The following MNAT1 variants were observed in gnomAD, a reference collection of about 807,000 sequenced individuals.
The protein encoded by MNAT1 is MNAT1 component of CDK activating kinase.
MNAT1 carries 43 observed loss-of-function variants against 42.0 expected under a neutral mutation model. That is an observed-to-expected ratio of 1.02 (90% CI 0.80 to 1.32). MNAT1 has a LOEUF of 1.32. Among genes scored for constraint, MNAT1 ranks in the 40% most tolerant of loss-of-function variants. MNAT1 has a pLI of 0.00. For missense variants in MNAT1, 306 were observed against 350.4 expected, an observed-to-expected ratio of 0.87 and a Z score of 1.01; for synonymous variants, 118 against 120.0, an observed-to-expected ratio of 0.98 and a Z score of 0.11.
intron 7 of MNAT1, among the ~76,000 whole-genome samples, chr14:60,949,786 T>C (rs1174596700): frequency 6.6e-6 from 1 of 152,142 alleles, no homozygotes. Context: ...GGGCATAGAT[T>C]ATTTTTTTTT....
chr14:60,940,862 C>A (rs1388872624), intron 7 of MNAT1, among the ~76,000 whole-genome samples: 1 of 151,894 alleles, frequency 6.6e-6, no homozygotes, highest in African/African-American at 2.4e-5. Flanking sequence ...TCAGAAGGGT[C>A]AAAATTAGAA....
intron 3 of MNAT1, among the ~76,000 whole-genome samples, chr14:60,804,722 T>G (rs2032314825): frequency 1.3e-5 from 2 of 152,120 alleles, no homozygotes; most frequent in Admixed American, 6.5e-5. Flanking sequence ...AATTTTATTT[T>G]TTTGGTAGAG....
At chr14:60,834,134 T>C (rs1356592905) in intron 6 of MNAT1, among the ~76,000 whole-genome samples, 2 of 152,208 alleles carry the variant, frequency 1.3e-5, no homozygotes, top group African/African-American at 4.8e-5. Flanking sequence ...CCTGTATTCA[T>C]TGATTTTTTT....
At chr14:60,768,948 T>A (rs2030944277) in intron 1 of MNAT1, among the ~76,000 whole-genome samples, 1 of 152,236 alleles carries the variant, frequency 6.6e-6, no homozygotes, top group East Asian at 1.9e-4. Flanking sequence ...GATTATAATG[T>A]TGAGTTTACA....
intron 1 of MNAT1, among the ~76,000 whole-genome samples, chr14:60,771,938 C>A (rs1303453753): frequency 2.0e-5 from 3 of 152,042 alleles, no homozygotes; most frequent in Non-Finnish European, 4.4e-5. Flanking sequence ...TATTTTAGTT[C>A]TCTGAATAAT....
intron 6 of MNAT1, among the ~76,000 whole-genome samples, chr14:60,871,005 T>TTCAC (rs2034313409): frequency 6.6e-6 from 1 of 152,230 alleles, no homozygotes; most frequent in Non-Finnish European, 1.5e-5. Flanking sequence ...ATATTGGTCC[T>TTCAC]TCACATCTGG....
At chr14:60,818,434 T>C (rs2032781468) in intron 5 of MNAT1, among the ~76,000 whole-genome samples, 1 of 151,998 alleles carries the variant, frequency 6.6e-6, no homozygotes, top group South Asian at 2.1e-4. Flanking sequence ...TTTTTGTGAT[T>C]AGCTTATTTT....
chr14:60,762,085 G>A (rs1236009817), intron 1 of MNAT1, among the ~76,000 whole-genome samples: 1 of 151,922 alleles, frequency 6.6e-6, no homozygotes, highest in Non-Finnish European at 1.5e-5. Flanking sequence ...TTTTCTTCAA[G>A]TTTCTTCCTT....
intron 6 of MNAT1, among the ~76,000 whole-genome samples, chr14:60,857,877 A>G (rs890241010): frequency 1.3e-5 from 2 of 152,138 alleles, no homozygotes; most frequent in African/African-American, 4.8e-5. Flanking sequence ...TTCCAGCTTC[A>G]TCTACATCCC....
At position 60,794,636 on chromosome 14, in the gene MNAT1, C is replaced by CA. The variant is rs71114156; in HGVS notation, c.90-1556dup. On this transcript the variant is annotated intron_variant, in intron 1 of 7. Coordinates refer to ENST00000261245, the MANE Select transcript of MNAT1 (RefSeq NM_002431.4). ...AGCTGTGACAACTTCACTGCATTCT[C>CA]AAAAAAAAAAAAAAAAAAAAAAAAA... is the stretch of plus-strand genomic sequence containing the variant. Among the ~76,000 whole-genome samples the CA allele has an allele frequency of 3.9e-4, 37 of 95,398 alleles. 1 individual carries two copies. Among genetic ancestry groups the CA allele is most frequent in the South Asian group, 1.5e-3 (4 of 2,586 alleles). 62.6% of individuals were successfully genotyped at this position (95,398 alleles called of 152,430 possible). A position where few individuals can be genotyped will look rare whatever the true frequency, so the allele number is the denominator to read the frequency against.
chr14:60,804,867 C>G (rs1288329010), intron 3 of MNAT1, among the ~76,000 whole-genome samples: 1 of 152,060 alleles, frequency 6.6e-6, no homozygotes, highest in African/African-American at 2.4e-5. Context: ...TTAAGTTTGC[C>G]TATTTCTGGG....
At position 60,849,211 on chromosome 14, in the gene MNAT1, G is replaced by A. The variant is rs79876995; in HGVS notation, c.687+30364G>A. 5.3e-5 allele frequency among the ~76,000 whole-genome samples: 8 copies of A among 152,282 alleles called. No individual in the cohort carries two copies. The East Asian group carries it at 1.3e-3, about 26-fold the overall frequency. ...ACTTACATGCTATTTTGGAGAAACA[G>A]CAAATCACTCATGTAATATAAACAC... On this transcript the variant is annotated intron_variant, in intron 6 of 7. Coordinates refer to ENST00000261245, the MANE Select transcript of MNAT1 (RefSeq NM_002431.4).
chr14:60,911,545 A>G (rs1163531064), intron 7 of MNAT1, among the ~76,000 whole-genome samples: 2 of 152,276 alleles, frequency 1.3e-5, no homozygotes, highest in East Asian at 1.9e-4. Context: ...GTTGGTTTCA[A>G]AGAACATCTT....
rs781633200 is a variant in MNAT1, at chr14:60,734,859, C to T, written c.-4C>T. 3.2e-5 allele frequency: 51 copies of T among 1,613,836 alleles called. 1 individual carries two copies. Among genetic ancestry groups the T allele is most frequent in the South Asian group, 2.6e-4 (24 of 91,064 alleles). On this transcript the variant is annotated 5_prime_UTR_variant, in exon 1 of 8. Coordinates refer to ENST00000261245, the MANE Select transcript of MNAT1 (RefSeq NM_002431.4). The surrounding 1 kb of genome is among the most constrained non-coding windows in gnomAD (Gnocchi z 4.3). ...CTGCGAGAGTCTGTAGGAGGGAAAC[C>T]GCCATGGACGATCAGGGTTGCCCTC...
intron 7 of MNAT1, among the ~76,000 whole-genome samples, chr14:60,912,494 G>C (rs1018677561): frequency 2.6e-5 from 4 of 152,194 alleles, no homozygotes; most frequent in African/African-American, 9.7e-5. Context: ...GCTTCCTTCA[G>C]GAGCTTTTGT....
intron 3 of MNAT1, among the ~76,000 whole-genome samples, chr14:60,807,146 A>G (rs901413515): frequency 9.9e-5 from 15 of 151,972 alleles, no homozygotes. Flanking sequence ...TGGATTTTCA[A>G]CAGTGATTAT....
At chr14:60,947,947 G>A (rs4412892) in intron 7 of MNAT1, among the ~76,000 whole-genome samples, 139,986 of 152,238 alleles carry the variant, frequency 0.92, 64,865 homozygotes, top group Non-Finnish European at 0.99. Context: ...GCTATGTCAT[G>A]TAATTGGACA....
rs148417193 is a variant in MNAT1 at position 60,782,424 on chromosome 14, G to T, written c.90-13793G>T. ...GTATTGATACCTTTATTTTTTTTGTGATCTCTGCCTGGAATGTCATCCTTC... is the reference window on the plus strand; with the variant it reads ...GTATTGATACCTTTATTTTTTTTGTTATCTCTGCCTGGAATGTCATCCTTC... On this transcript the variant is annotated intron_variant, in intron 1 of 7. Coordinates refer to ENST00000261245, the MANE Select transcript of MNAT1 (RefSeq NM_002431.4). 4.4e-3 allele frequency among the ~76,000 whole-genome samples: 664 copies of T among 151,634 alleles called. 1 individual carries two copies. The highest frequency in any genetic ancestry group is 7.1e-3 in the Non-Finnish European group (483 of 67,862).
chr14:60,735,045 G>C (rs1896265279), intron 1 of MNAT1, 94 bp downstream of exon 1: 2 of 1,226,118 alleles, frequency 1.6e-6, no homozygotes, highest in Non-Finnish European at 2.4e-6. Flanking sequence ...GGAGCAAAGG[G>C]CGTTGTTAGT....
Sources: allele counts gnomAD v4.1 joint callset (sites outside exome capture counted in the v4.1 genomes callset), GRCh38; gene constraint gnomAD v4.1.1; non-coding constraint Gnocchi (gnomAD v3.1); transcripts MANE v1.5; gene names NCBI Gene and HGNC (gene_info 2026-07-23, HGNC 2026-07-21).